RIMS3: variants seen among roughly 807,000 people sequenced by gnomAD.
The protein encoded by RIMS3 is regulating synaptic membrane exocytosis 3, also known as regulating synaptic membrane exocytosis protein 3.
In RIMS3, 15 loss-of-function variants were observed where a neutral mutation model predicts 29.2. That is an observed-to-expected ratio of 0.51 (90% CI 0.34 to 0.79). RIMS3 has a LOEUF of 0.79. Ranked by LOEUF, RIMS3 falls within the 30% of genes least tolerant of loss-of-function variation. The pLI is 0.01. For missense variants in RIMS3, 342 were observed against 421.4 expected, an observed-to-expected ratio of 0.81 and a Z score of 1.65; for synonymous variants, 161 against 170.1, an observed-to-expected ratio of 0.95 and a Z score of 0.41.
the RIMS3 span, among the ~76,000 whole-genome samples, chr1:40,684,187 A>G: frequency 6.6e-6 from 1 of 152,188 alleles, no homozygotes; most frequent in Non-Finnish European, 1.5e-5. Context: ...GATTGGGAAA[A>G]CTGGTCTTCA....
chr1:40,623,601 A>G lies in RIMS3; in HGVS notation c.*2916T>C. Reference sequence around the variant, plus strand: ...GGGGCATTTGGAGCCGGGACACTGAACATGGCAGTGAGTTGGCCCCAGGGT... The same window carrying G: ...GGGGCATTTGGAGCCGGGACACTGAGCATGGCAGTGAGTTGGCCCCAGGGT... On this transcript the variant is annotated 3_prime_UTR_variant, in exon 8 of 8. Transcript: ENST00000372684. 1 of 398,362 alleles carries G rather than the reference A, an allele frequency of 2.5e-6. No individual in the cohort carries two copies. The highest frequency in any genetic ancestry group is 4.4e-6 in the Non-Finnish European group (1 of 226,046). The allele number at this position is 398,362 out of a possible 1,614,324, so 24.7% of individuals were successfully genotyped here.
upstream of RIMS3, among the ~76,000 whole-genome samples, chr1:40,666,023 C>T (rs1007249192): frequency 4.6e-5 from 7 of 152,236 alleles, no homozygotes; most frequent in African/African-American, 1.7e-4. Flanking sequence ...CTGCCCTGCC[C>T]TGCCCTGAAG....
intron 2 of RIMS3, among the ~76,000 whole-genome samples, chr1:40,643,854 G>A (rs1646577439): frequency 6.6e-6 from 1 of 152,122 alleles, no homozygotes; most frequent in Non-Finnish European, 1.5e-5. Context: ...ACTGGATCAG[G>A]GGGTACAAAT....
chr1:40,688,890 AT>A, the RIMS3 span, among the ~76,000 whole-genome samples: 1 of 152,198 alleles, frequency 6.6e-6, no homozygotes, highest in Admixed American at 6.5e-5. Context: ...ATTAGGTTCC[AT>A]TTATTAAATT....
chr1:40,654,263 G>A lies in RIMS3; in HGVS notation c.-206-6421C>T, dbSNP rs1317673599. Among the ~76,000 whole-genome samples, 1 of 151,044 alleles carries A rather than the reference G, an allele frequency of 6.6e-6. No homozygotes were observed. Among genetic ancestry groups the A allele is most frequent in the African/African-American group, 2.4e-5 (1 of 41,168 alleles). On this transcript the variant is annotated intron_variant, in intron 1 of 7. Transcript: ENST00000372684. The surrounding 1 kb of genome is among the most constrained non-coding windows in gnomAD (Gnocchi z 5.3). ...GCCCCGCACCAAGCCGGAAGGCGCC[G>A]CCCGCGCCTGCTGCCCACCCTGGGG...
At chr1:40,662,709 C>G (rs1642369354) in intron 1 of RIMS3, among the ~76,000 whole-genome samples, 1 of 152,226 alleles carries the variant, frequency 6.6e-6, no homozygotes, top group Non-Finnish European at 1.5e-5. Context: ...ATACAGTATG[C>G]ACCCTCCCCC....
intron 4 of RIMS3, among the ~76,000 whole-genome samples, chr1:40,634,914 G>A (rs566512986): frequency 2.2e-4 from 33 of 149,984 alleles, no homozygotes; most frequent in Non-Finnish European, 2.8e-4. Flanking sequence ...GCACTCCAGC[G>A]TGGGCAACAA....
chr1:40,666,720 A>C (rs1293514030), upstream of RIMS3, among the ~76,000 whole-genome samples: 2 of 152,202 alleles, frequency 1.3e-5, no homozygotes. Flanking sequence ...CTCCCTGCTG[A>C]GGGCATGAAT....
chr1:40,632,076 G>T (rs941781949), intron 5 of RIMS3, among the ~76,000 whole-genome samples: 3 of 152,042 alleles, frequency 2.0e-5, no homozygotes, highest in African/African-American at 7.2e-5. Context: ...TTGAGACAGG[G>T]TCTCACTATA....
At chr1:40,629,586 G>A (rs1341019841) in intron 5 of RIMS3, among the ~76,000 whole-genome samples, 1 of 151,682 alleles carries the variant, frequency 6.6e-6, no homozygotes, top group Non-Finnish European at 1.5e-5. Flanking sequence ...GTTGGGGTAG[G>A]GGCATGATCT....
chr1:40,676,945 TA>T, the RIMS3 span, among the ~76,000 whole-genome samples: 1 of 152,124 alleles, frequency 6.6e-6, no homozygotes, highest in African/African-American at 2.4e-5. Context: ...TAGGACAATT[TA>T]TTTTCAAATA....
At chr1:40,652,333 G>A (rs1189979280) in intron 1 of RIMS3, among the ~76,000 whole-genome samples, 1 of 152,232 alleles carries the variant, frequency 6.6e-6, no homozygotes, top group Non-Finnish European at 1.5e-5. Flanking sequence ...GTCACAGGTG[G>A]AGCCTGAGAC....
rs773485288 is a variant in RIMS3, at chr1:40,626,747, G to A, written c.715-18C>T. 8 of 1,612,272 alleles carry A rather than the reference G, an allele frequency of 5.0e-6. No individual in the cohort carries two copies. Among genetic ancestry groups the A allele is most frequent in the South Asian group, 1.1e-5 (1 of 91,056 alleles). ...ACGATCACCTGCCAGGAGGAAGAGA[G>A]GGAGGGAGTGAGCCACCTCCCTGAC... On this transcript the variant is annotated intron_variant, in intron 7 of 7. Coordinates refer to ENST00000372684, the MANE Select transcript of RIMS3 (RefSeq NM_014747.3).
At chr1:40,640,831 T>C (rs1646550925) in intron 3 of RIMS3, among the ~76,000 whole-genome samples, 1 of 152,240 alleles carries the variant, frequency 6.6e-6, no homozygotes, top group Admixed American at 6.5e-5. Context: ...CTTTGTGATG[T>C]ACACCTGCAC....
intron 1 of RIMS3, among the ~76,000 whole-genome samples, chr1:40,648,587 G>A (rs914540700): frequency 6.6e-6 from 1 of 152,216 alleles, no homozygotes; most frequent in African/African-American, 2.4e-5. Flanking sequence ...TTGGGATGTG[G>A]TAAATGATCA....
rs1646520302 is a variant in RIMS3 at position 40,636,372 on chromosome 1, C to T, written c.218-315G>A. On this transcript the variant is annotated intron_variant, in intron 3 of 7. Transcript: ENST00000372684. This position sits in a 1 kb window ranked among gnomAD's most constrained non-coding sequence, Gnocchi z 4.2. ...CCTCGCCTCACCCTCATCAGGCTCC[C>T]CTGACGCCCACCTTCCCACTCGATT... Among the ~76,000 whole-genome samples, 1 of 152,196 alleles carries T rather than the reference C, an allele frequency of 6.6e-6. No individual in the cohort carries two copies. The highest frequency in any genetic ancestry group is 1.5e-5 in the Non-Finnish European group (1 of 68,036).
chr1:40,692,013 G>A, the RIMS3 span: 1 of 252,954 alleles, frequency 4.0e-6, no homozygotes, highest in South Asian at 2.9e-5. Context: ...CCGCCATGTT[G>A]TGCTCTTGCC....
At chr1:40,633,043 C>A in intron 5 of RIMS3, 26 bp downstream of exon 5, 1 of 1,593,716 alleles carries the variant, frequency 6.3e-7, no homozygotes, top group Non-Finnish European at 8.6e-7. Flanking sequence ...CATTACCCCA[C>A]TCAACCTGCC....
chr1:40,636,953 G>T lies in RIMS3; in HGVS notation c.218-896C>A, dbSNP rs1160279313. Reference sequence around the variant, plus strand: ...CCTCTCCTCCTGGCGGGGGGCGGATGGGGGAGATGGCCTGAGGGTTTGCAG... The same window carrying T: ...CCTCTCCTCCTGGCGGGGGGCGGATTGGGGAGATGGCCTGAGGGTTTGCAG... On this transcript the variant is annotated intron_variant, in intron 3 of 7. Coordinates refer to ENST00000372684, the MANE Select transcript of RIMS3 (RefSeq NM_014747.3). This position sits in a 1 kb window ranked among gnomAD's most constrained non-coding sequence, Gnocchi z 4.2. Among the ~76,000 whole-genome samples the T allele has an allele frequency of 6.6e-6, 1 of 152,208 alleles. No individual in the cohort carries two copies. Among genetic ancestry groups the T allele is most frequent in the African/African-American group, 2.4e-5 (1 of 41,452 alleles).
Sources: gnomAD v4.1 joint callset for allele counts (sites outside exome capture counted in the v4.1 genomes callset) on GRCh38, gnomAD v4.1.1 for gene constraint, Gnocchi (gnomAD v3.1) non-coding constraint, MANE v1.5 for transcripts, NCBI Gene and HGNC (gene_info 2026-07-23, HGNC 2026-07-21) for gene names.